Variants in SYNDIG1 observed in about 807,000 individuals in gnomAD.
The protein encoded by SYNDIG1 is synapse differentiation-inducing gene protein 1.
In SYNDIG1, 9 loss-of-function variants were observed where a neutral mutation model predicts 19.4. The ratio of observed to expected loss-of-function variants is 0.46; its 90% confidence interval spans 0.28 to 0.81. SYNDIG1 has a LOEUF of 0.81. Among genes scored for constraint, SYNDIG1 ranks in the 30% least tolerant of loss-of-function variants. SYNDIG1 has a pLI of 0.12. For synonymous variants in SYNDIG1, 141 were observed against 145.9 expected, an observed-to-expected ratio of 0.97 and a Z score of 0.24; for missense variants, 311 against 343.3, an observed-to-expected ratio of 0.91 and a Z score of 0.74.
chr20:24,630,914 A>C (rs2083739253), intron 3 of SYNDIG1, among the ~76,000 whole-genome samples: 1 of 152,260 alleles, frequency 6.6e-6, no homozygotes, highest in Non-Finnish European at 1.5e-5. Context: ...AGCAATAAAG[A>C]ACACTCTCTA....
At chr20:24,500,378 T>C (rs1029714445) in intron 1 of SYNDIG1, among the ~76,000 whole-genome samples, 8 of 152,180 alleles carry the variant, frequency 5.3e-5, no homozygotes, top group African/African-American at 1.9e-4. Flanking sequence ...TTTTCATCCT[T>C]TTTCCATGAG....
chr20:24,584,419 A>G (rs974745404), intron 2 of SYNDIG1, among the ~76,000 whole-genome samples: 1 of 152,210 alleles, frequency 6.6e-6, no homozygotes, highest in Non-Finnish European at 1.5e-5. Flanking sequence ...TCTCCAGTCC[A>G]TCCTCAGAAC....
chr20:24,553,050 C>G (rs1303283711), intron 2 of SYNDIG1, among the ~76,000 whole-genome samples: 2 of 151,764 alleles, frequency 1.3e-5, no homozygotes, highest in African/African-American at 4.8e-5. Flanking sequence ...TTGCATTTCT[C>G]TGATGGCCAG....
chr20:24,571,818 GT>G (rs927233900), intron 2 of SYNDIG1, among the ~76,000 whole-genome samples: 2 of 152,154 alleles, frequency 1.3e-5, no homozygotes, highest in Admixed American at 6.5e-5. Flanking sequence ...CCCATTGACA[GT>G]TTTTTTGAAG....
intron 1 of SYNDIG1, among the ~76,000 whole-genome samples, chr20:24,500,866 A>G (rs563410941): frequency 1.3e-5 from 2 of 152,308 alleles, no homozygotes; most frequent in African/African-American, 4.8e-5. Flanking sequence ...AGCAAAATAA[A>G]TTGCATTTAT....
chr20:24,528,210 C>G (rs773398696), intron 1 of SYNDIG1, among the ~76,000 whole-genome samples: 29 of 152,192 alleles, frequency 1.9e-4, no homozygotes, highest in Non-Finnish European at 3.5e-4. Context: ...TTTAATTTCA[C>G]TGATGTATTT....
At chr20:24,485,602 T>C (rs1233021864) in intron 1 of SYNDIG1, among the ~76,000 whole-genome samples, 1 of 152,200 alleles carries the variant, frequency 6.6e-6, no homozygotes, top group African/African-American at 2.4e-5. Flanking sequence ...CCTTACTTCT[T>C]TTTTTCTTTA....
At chr20:24,571,994 A>C (rs1250228521) in intron 2 of SYNDIG1, among the ~76,000 whole-genome samples, 1 of 152,210 alleles carries the variant, frequency 6.6e-6, no homozygotes, top group African/African-American at 2.4e-5. Flanking sequence ...CAGACCCCTC[A>C]TTCATCACTT....
intron 2 of SYNDIG1, among the ~76,000 whole-genome samples, chr20:24,545,198 G>T (rs564168767): frequency 8.1e-4 from 124 of 152,150 alleles, no homozygotes; most frequent in Non-Finnish European, 8.8e-4. Context: ...AACTCCAGCC[G>T]GTGGAGCCCG....
chr20:24,596,921 C>G (rs970206312), intron 3 of SYNDIG1: 1 of 152,358 alleles, frequency 6.6e-6, no homozygotes, highest in Non-Finnish European at 1.5e-5. Context: ...ACTGGTCACA[C>G]AGCATCCTCC....
At chr20:24,568,177 C>T (rs1279543522) in intron 2 of SYNDIG1, among the ~76,000 whole-genome samples, 2 of 152,126 alleles carry the variant, frequency 1.3e-5, no homozygotes, top group Non-Finnish European at 2.9e-5. Context: ...AGAAATGCAG[C>T]AGCTGGTCCA....
chr20:24,514,248 A>T (rs980294650), intron 1 of SYNDIG1, among the ~76,000 whole-genome samples: 2 of 152,148 alleles, frequency 1.3e-5, no homozygotes, highest in African/African-American at 4.8e-5. Context: ...AACATCATAA[A>T]GACAGGATCA....
intron 3 of SYNDIG1, among the ~76,000 whole-genome samples, chr20:24,602,740 G>A (rs1337510685): frequency 6.6e-6 from 1 of 152,126 alleles, no homozygotes; most frequent in African/African-American, 2.4e-5. Flanking sequence ...GTTTCTTTAA[G>A]GATTTTTAGC....
At chr20:24,556,065 T>G (rs2057808863) in intron 2 of SYNDIG1, among the ~76,000 whole-genome samples, 1 of 152,196 alleles carries the variant, frequency 6.6e-6, no homozygotes, top group Admixed American at 6.5e-5. Flanking sequence ...CGTAATGGCC[T>G]TCTTTGTCTC....
At chr20:24,606,353 C>T (rs1312644874) in intron 3 of SYNDIG1, among the ~76,000 whole-genome samples, 5 of 152,258 alleles carry the variant, frequency 3.3e-5, no homozygotes, top group Non-Finnish European at 5.9e-5. Context: ...TTGCCATGAG[C>T]GACAACTCAT....
At chr20:24,579,067 C>G (rs1315734307) in intron 2 of SYNDIG1, among the ~76,000 whole-genome samples, 1 of 152,136 alleles carries the variant, frequency 6.6e-6, no homozygotes, top group Non-Finnish European at 1.5e-5. Context: ...ATTAAACATT[C>G]CACAACAAAC....
intron 2 of SYNDIG1, among the ~76,000 whole-genome samples, chr20:24,544,724 G>T (rs549371424): frequency 1.1e-4 from 16 of 152,284 alleles, no homozygotes; most frequent in African/African-American, 3.6e-4. Flanking sequence ...AGGGGTTCGT[G>T]TTGGCTGAGC....
At chr20:24,659,800 ACTTTT>A (rs2059565946) in intron 3 of SYNDIG1, among the ~76,000 whole-genome samples, 1 of 152,150 alleles carries the variant, frequency 6.6e-6, no homozygotes, top group Non-Finnish European at 1.5e-5. Context: ...CCTTTCTCTG[ACTTTT>A]CTTCTCTGGT....
chr20:24,575,011 C>T (rs577493259), intron 2 of SYNDIG1, among the ~76,000 whole-genome samples: 4 of 152,288 alleles, frequency 2.6e-5, no homozygotes, highest in South Asian at 2.1e-4. Flanking sequence ...CCCTGGAGCA[C>T]GGTAGATATT....
Sources: gnomAD v4.1 joint callset for allele counts (sites outside exome capture counted in the v4.1 genomes callset) on GRCh38, gnomAD v4.1.1 for gene constraint, MANE v1.5 for transcripts, NCBI Gene and HGNC (gene_info 2026-07-23, HGNC 2026-07-21) for gene names.